ADAMTSL1: variants seen among roughly 807,000 people sequenced by gnomAD.
The protein encoded by ADAMTSL1 is ADAMTS like 1.
ADAMTSL1 carries 126 observed loss-of-function variants against 201.8 expected under a neutral mutation model. The ratio of observed to expected loss-of-function variants is 0.62; its 90% CI spans 0.54 to 0.72. The LOEUF is 0.72. Ranked by LOEUF, ADAMTSL1 falls within the 30% of genes least tolerant of loss-of-function variation. The pLI is 0.00. For synonymous variants in ADAMTSL1, 1,121 were observed against 903.4 expected, an observed-to-expected ratio of 1.24 and a Z score of -4.32; for missense variants, 2,679 against 2,277.8, an observed-to-expected ratio of 1.18 and a Z score of -3.59.
intron 28 of ADAMTSL1, chr9:18,907,657 G>A (rs1830392741): frequency 6.6e-6 from 1 of 152,490 alleles, no homozygotes; most frequent in Admixed American, 6.5e-5. Flanking sequence ...CACTAAGGCA[G>A]ACGCCATGTA....
chr9:17,967,889 A>G (rs1818043481), intron 1 of ADAMTSL1, among the ~76,000 whole-genome samples: 1 of 152,052 alleles, frequency 6.6e-6, no homozygotes, highest in Non-Finnish European at 1.5e-5. Flanking sequence ...GGATCATGAA[A>G]AGTCTATTCG....
intron 2 of ADAMTSL1, among the ~76,000 whole-genome samples, chr9:18,441,532 G>C (rs1313572515): frequency 6.6e-6 from 1 of 152,122 alleles, no homozygotes; most frequent in Non-Finnish European, 1.5e-5. Flanking sequence ...TAGAAAGGAA[G>C]ATCTGGGAAA....
intron 1 of ADAMTSL1, among the ~76,000 whole-genome samples, chr9:18,067,174 C>T (rs1004408888): frequency 2.0e-5 from 3 of 152,134 alleles, no homozygotes; most frequent in Non-Finnish European, 4.4e-5. Flanking sequence ...TAGCCTGACT[C>T]TTTAGATTCC....
chr9:18,607,258 G>A (rs773921844), intron 4 of ADAMTSL1, among the ~76,000 whole-genome samples: 1 of 152,092 alleles, frequency 6.6e-6, no homozygotes, highest in East Asian at 1.9e-4. Context: ...TTCAACTTTC[G>A]ATTGTAAAAT....
chr9:18,109,244 T>TTC (rs1442985768), intron 1 of ADAMTSL1, among the ~76,000 whole-genome samples: 2 of 152,180 alleles, frequency 1.3e-5, no homozygotes, highest in Non-Finnish European at 1.5e-5. Context: ...CTCATTTGTG[T>TTC]TCTCTCTTTC....
At chr9:18,400,582 A>G (rs1169519584) in intron 2 of ADAMTSL1, among the ~76,000 whole-genome samples, 1 of 152,190 alleles carries the variant, frequency 6.6e-6, no homozygotes, top group Non-Finnish European at 1.5e-5. Flanking sequence ...TGTATGATGT[A>G]TTTGCAATTG....
chr9:18,434,427 C>A (rs1800270179), intron 2 of ADAMTSL1, among the ~76,000 whole-genome samples: 1 of 152,176 alleles, frequency 6.6e-6, no homozygotes. Flanking sequence ...ATTGTATACA[C>A]TCTGTAGTAA....
At chr9:18,417,382 G>A (rs77390683) in intron 2 of ADAMTSL1, among the ~76,000 whole-genome samples, 2,491 of 107,502 alleles carry the variant, frequency 0.023, 33 homozygotes, top group African/African-American at 0.062. Context: ...AAAAAAAAAA[G>A]AAAAAAAAAA....
At chr9:18,490,412 G>T (rs1822212287) in intron 1 of ADAMTSL1, among the ~76,000 whole-genome samples, 1 of 152,128 alleles carries the variant, frequency 6.6e-6, no homozygotes, top group South Asian at 2.1e-4. Context: ...AGCAATGTCT[G>T]TATGTTCATC....
chr9:18,358,893 C>T (rs1453454761), intron 2 of ADAMTSL1, among the ~76,000 whole-genome samples: 1 of 152,126 alleles, frequency 6.6e-6, no homozygotes, highest in Non-Finnish European at 1.5e-5. Context: ...TAAGAATTTG[C>T]TTCCCAATAT....
At chr9:18,621,053 G>A (rs901144757) in intron 4 of ADAMTSL1, among the ~76,000 whole-genome samples, 17 of 152,092 alleles carry the variant, frequency 1.1e-4, no homozygotes, top group African/African-American at 4.1e-4. Context: ...TTTTTGAAAG[G>A]CAAGACGAAC....
At chr9:18,167,462 T>A (rs1033414890) in intron 2 of ADAMTSL1, among the ~76,000 whole-genome samples, 1 of 151,992 alleles carries the variant, frequency 6.6e-6, no homozygotes, top group Non-Finnish European at 1.5e-5. Flanking sequence ...AATGCCTGCC[T>A]TTAATCACAG....
chr9:18,787,453 T>TC (rs1292573411), intron 19 of ADAMTSL1, among the ~76,000 whole-genome samples: 1 of 151,862 alleles, frequency 6.6e-6, no homozygotes. Flanking sequence ...TCTCCAGAGA[T>TC]CCCCCTAGCA....
In ADAMTSL1 at chr9:18,824,455, C is replaced by G. The variant is rs567406966; in HGVS notation, c.3935-1829C>G. 2.0e-5 allele frequency among the ~76,000 whole-genome samples: 3 copies of G among 152,310 alleles called. No individual in the cohort carries two copies. In the South Asian group the frequency reaches 6.2e-4, roughly 32 times the overall value. ...GCTGTGGTATCCAAGTCTCCACCCA[C>G]TTTCGGTAGCCCTGCCTCTCTTTCT... On this transcript the variant is annotated intron_variant, in intron 21 of 28. Transcript: ENST00000380548.
rs539028283 is a variant in ADAMTSL1 at position 18,466,008 on chromosome 9, C to A, written c.208-38821C>A. Among the ~76,000 whole-genome samples, 9 of 152,280 alleles carry A rather than the reference C, an allele frequency of 5.9e-5. No homozygotes were observed. In the East Asian group the frequency reaches 1.7e-3, roughly 29 times the overall value. ...TCAGGTGATCTGCTCTCCTCAGCCT[C>A]CCAAAGTGCTGGGATTACAGGAGTG... On this transcript the variant is annotated intron_variant, in intron 2 of 29. Transcript: ENST00000680146.
chr9:18,215,652 T>G (rs2132334598), intron 2 of ADAMTSL1, among the ~76,000 whole-genome samples: 1 of 152,322 alleles, frequency 6.6e-6, no homozygotes, highest in South Asian at 2.1e-4. Flanking sequence ...TATTTAATGG[T>G]TTATTAGCTT....
intron 2 of ADAMTSL1, among the ~76,000 whole-genome samples, chr9:18,531,999 G>T (rs192792765): frequency 6.6e-6 from 1 of 152,048 alleles, no homozygotes; most frequent in Non-Finnish European, 1.5e-5. Flanking sequence ...CCGGGTTTTT[G>T]AGAATATTAA....
chr9:18,420,291 G>A (rs570732631), intron 2 of ADAMTSL1, among the ~76,000 whole-genome samples: 67 of 152,326 alleles, frequency 4.4e-4, no homozygotes, highest in African/African-American at 1.5e-3. Flanking sequence ...ATCCATATAG[G>A]AGGGGATAAG....
chr9:18,842,658 G>T (rs1242089247), intron 23 of ADAMTSL1, among the ~76,000 whole-genome samples: 1 of 151,804 alleles, frequency 6.6e-6, no homozygotes, highest in South Asian at 2.1e-4. Context: ...TCCCATTATT[G>T]TGTGGGAGTC....
Sources: allele counts gnomAD v4.1 joint callset (sites outside exome capture counted in the v4.1 genomes callset), GRCh38; gene constraint gnomAD v4.1.1; transcripts MANE v1.5; gene names NCBI Gene and HGNC (gene_info 2026-07-23, HGNC 2026-07-21).